Variants in RNF39 observed in about 807,000 individuals in gnomAD.
RNF39 encodes LTP (long-term potentiation) induced RING finger protein.
Under a neutral mutation model 29.2 loss-of-function variants are expected in RNF39, and 25 were observed. That is an observed-to-expected ratio of 0.86 (90% confidence interval 0.62 to 1.20). The LOEUF is 1.20. RNF39 is among the 50% of genes most tolerant of loss of function. The pLI, the probability that RNF39 is intolerant of heterozygous loss-of-function variation, is 0.00. For synonymous variants in RNF39, 219 were observed against 229.0 expected (o/e 0.96, Z 0.40); for missense variants, 519 against 515.0 (o/e 1.01, Z -0.08).
Position 30,074,990 on chromosome 6 carries a change from A to G in RNF39, c.363+233T>C, listed in dbSNP as rs371251732. ...CCAGCCCCTCTCACAAGGCTCAGGC[A>G]TCGGTCCAGCCTCCTCCCCTGTGGA... is the stretch of plus-strand genomic sequence containing the variant. On this transcript the variant is annotated intron_variant, in intron 1 of 3. Transcript: ENST00000244360. The surrounding 1 kb of genome is among the most constrained non-coding windows in gnomAD (Gnocchi z 4.1). Among the ~76,000 whole-genome samples, 1 of 151,936 alleles carries G rather than the reference A, an allele frequency of 6.6e-6. No individual in the cohort carries two copies. The highest frequency in any genetic ancestry group is 2.4e-5 in the African/African-American group (1 of 41,374).
At position 30,075,262 on chromosome 6, in the gene RNF39, C is replaced by G. The variant is rs778250346; in HGVS notation, c.324G>C (p.Gly108=). 6.3e-7 allele frequency: 1 copy of G among 1,598,354 alleles called. No homozygotes were observed. The highest frequency in any genetic ancestry group is 1.1e-5 in the South Asian group (1 of 89,346). ...CCAGGCAGCCCATGGTGGGGATGCG[C>G]CCCCCTCGGCGTCTCCCCGCACGGG... ...PGARAGRRRG[G]RIPTMGCLDL... is the part of the protein sequence containing the mutation. Residue 108 remains glycine (G), a synonymous_variant, in exon 1 of 4, where the codon GGG becomes GGC. Transcript: ENST00000244360.
Position 30,074,372 on chromosome 6 carries a change from G to C in RNF39, c.363+851C>G, listed in dbSNP as rs1344449962. Among the ~76,000 whole-genome samples the C allele has an allele frequency of 6.6e-6, 1 of 152,144 alleles. No homozygotes were observed. Among genetic ancestry groups the C allele is most frequent in the Non-Finnish European group, 1.5e-5 (1 of 68,008 alleles). Reference sequence around the variant, plus strand: ...CAGGAGTCCCAGACGCCCAGGGGTCGGTCGGGCAAGGGAATGGGCTGGTTA... The same window carrying C: ...CAGGAGTCCCAGACGCCCAGGGGTCCGTCGGGCAAGGGAATGGGCTGGTTA... On this transcript the variant is annotated intron_variant, in intron 1 of 3. Coordinates refer to ENST00000244360, the MANE Select transcript of RNF39 (RefSeq NM_025236.4). This position sits in a 1 kb window ranked among gnomAD's most constrained non-coding sequence, Gnocchi z 4.1.
Position 30,070,891 on chromosome 6 carries a change from T to G in RNF39, c.*220A>C. 1.4e-6 allele frequency: 1 copy of G among 701,782 alleles called. No homozygotes were observed. The allele number at this position is 701,782 out of a possible 1,614,324, so 43.5% of individuals were successfully genotyped here. A position where few individuals can be genotyped will look rare whatever the true frequency, so the allele number is the denominator to read the frequency against. ...GTAGTAGCTGTAGGGGAGAGAAGAT[T>G]CTGAGAGCCAGAAGGCAGGAATGGA... On this transcript the variant is annotated 3_prime_UTR_variant, in exon 4 of 4. Coordinates refer to ENST00000244360, the MANE Select transcript of RNF39 (RefSeq NM_025236.4).
rs753699803 is a variant in RNF39 at position 30,075,348 on chromosome 6, G to T, written c.238C>A (p.Arg80=). 14 of 1,591,332 alleles carry T rather than the reference G, an allele frequency of 8.8e-6. No homozygotes were observed. The highest frequency in any genetic ancestry group is 1.1e-5 in the Non-Finnish European group (13 of 1,171,396). Residue 80 remains arginine, a synonymous_variant, in exon 1 of 4, where the codon CGG becomes AGG. Transcript: ENST00000244360. ...CPRRSLRSNV[R]LAVEVRISRE... is the part of the protein sequence containing the mutation. ...CTGATTCGCACCTCCACCGCCAGCC[G>T]CACATTAGACCTCAGGCTGCGGCGG... is the stretch of plus-strand genomic sequence containing the variant.
chr6:30,071,133 C>A lies in RNF39; in HGVS notation c.1037G>T (p.Arg346Leu). Residue 346 changes from arginine to leucine, a missense_variant, in exon 4 of 4, where the codon CGC (arginine) becomes CTC (leucine). Transcript: ENST00000244360. The surrounding 1 kb of genome is among the most constrained non-coding windows in gnomAD (Gnocchi z 5.0). ...FCTCDPRAPL[R>L]IVPAES ...GACTCAGCTTTCCGCTGGTACAATGCGGAGCGGAGCACGAGGGTCGCAGGT... is the reference window on the plus strand; with the variant it reads ...GACTCAGCTTTCCGCTGGTACAATGAGGAGCGGAGCACGAGGGTCGCAGGT... 6.4e-7 allele frequency: 1 copy of A among 1,552,158 alleles called. No homozygotes were observed. The highest frequency in any genetic ancestry group is 8.7e-7 in the Non-Finnish European group (1 of 1,148,946).
Position 30,071,273 on chromosome 6 carries a change from C to G in RNF39, c.897G>C (p.Val299=). The G allele has an allele frequency of 6.6e-7, 1 of 1,506,660 alleles. No homozygotes were observed. The highest frequency in any genetic ancestry group is 8.8e-7 in the Non-Finnish European group (1 of 1,130,332). The allele number at this position is 1,506,660 out of a possible 1,614,324, so 93.3% of individuals were successfully genotyped here. A position where few individuals can be genotyped will look rare whatever the true frequency, so the allele number is the denominator to read the frequency against. Residue 299 remains valine, a synonymous_variant, in exon 4 of 4, where the codon GTG becomes GTC. Transcript: ENST00000244360. This position sits in a 1 kb window ranked among gnomAD's most constrained non-coding sequence, Gnocchi z 5.0. ...CGCGGCCCCGCTCCCAGTCCAGGTCCACGCGAATGCGCCGCGGCGGGGGCT... is the reference window on the plus strand; with the variant it reads ...CGCGGCCCCGCTCCCAGTCCAGGTCGACGCGAATGCGCCGCGGCGGGGGCT... ...GVEPPPRRIR[V]DLDWERGRVA... is the part of the protein sequence containing the mutation.
Position 30,070,589 on chromosome 6 carries a change from AG to A in RNF39, c.*521del, listed in dbSNP as rs111785008. 15,573 of 319,314 alleles carry A rather than the reference AG, an allele frequency of 0.049. 511 individuals carry two copies. The highest frequency in any genetic ancestry group is 0.064 in the Admixed American group (1,581 of 24,788). 19.8% of individuals were successfully genotyped at this position (319,314 alleles called of 1,614,324 possible). ...TCCCCACCCCCAGATCCTGCAAAAG[AG>A]GTACAAAGCTTCCCAGAGGGCCACA... On this transcript the variant is annotated 3_prime_UTR_variant, in exon 4 of 4. Transcript: ENST00000244360.
chr6:30,074,152 C>G lies in RNF39; in HGVS notation c.364-674G>C, dbSNP rs924132048. On this transcript the variant is annotated intron_variant, in intron 1 of 3. Transcript: ENST00000244360. The surrounding 1 kb of genome is among the most constrained non-coding windows in gnomAD (Gnocchi z 4.1). ...AGGAGAGGGCACTGGATGCTCCCCT[C>G]CAAACACTGGGATACCGACCCCTCC... Among the ~76,000 whole-genome samples the G allele has an allele frequency of 6.6e-6, 1 of 152,198 alleles. No individual in the cohort carries two copies. Among genetic ancestry groups the G allele is most frequent in the African/African-American group, 2.4e-5 (1 of 41,436 alleles).
At position 30,071,139 on chromosome 6, in the gene RNF39, G is replaced by A. The variant is rs556846834; in HGVS notation, c.1031C>T (p.Pro344Leu). The change falls in exon 4 of 4, where the codon CCG (proline) becomes CTG (leucine). Residue 344 changes from proline (P) to leucine (L), a missense_variant. Coordinates refer to ENST00000244360, the MANE Select transcript of RNF39 (RefSeq NM_025236.4). The surrounding 1 kb of genome is among the most constrained non-coding windows in gnomAD (Gnocchi z 5.0). ...PLFCTCDPRA[P>L]LRIVPAES ...GCTTTCCGCTGGTACAATGCGGAGC[G>A]GAGCACGAGGGTCGCAGGTGCAGAA... 11 of 1,545,938 alleles carry A rather than the reference G, an allele frequency of 7.1e-6. No individual in the cohort carries two copies. In the East Asian group the frequency reaches 1.2e-4, roughly 16 times the overall value.
intron 1 of RNF39, 87 bp downstream of exon 1, chr6:30,075,136 G>A: frequency 7.4e-7 from 1 of 1,359,972 alleles, no homozygotes; most frequent in African/African-American, 1.5e-5. Flanking sequence ...ACTTCCACAG[G>A]GCCTCCGGCT....
chr6:30,071,449 TCTC>T lies in RNF39; in HGVS notation c.718_720del (p.Glu240del). On this transcript the variant is annotated inframe_deletion, in exon 4 of 4. Transcript: ENST00000244360. The surrounding 1 kb of genome is among the most constrained non-coding windows in gnomAD (Gnocchi z 5.0). Reference sequence around the variant, plus strand: ...CCGGCCGCGCCCACTGCATAGTGGCTCTCCTCGTCGTCCGCATCCTCCCCAGAA... The same window carrying T: ...CCGGCCGCGCCCACTGCATAGTGGCTCTCGTCGTCCGCATCCTCCCCAGAA... 1 of 1,554,076 alleles carries T rather than the reference TCTC, an allele frequency of 6.4e-7. No individual in the cohort carries two copies. The highest frequency in any genetic ancestry group is 8.6e-7 in the Non-Finnish European group (1 of 1,157,850).
At position 30,072,345 on chromosome 6, in the gene RNF39, G is replaced by C. The variant is rs187227908; in HGVS notation, c.479-654C>G. 8.0e-4 allele frequency among the ~76,000 whole-genome samples: 121 copies of C among 152,168 alleles called. No homozygotes were observed. The highest frequency in any genetic ancestry group is 1.2e-4 in the Non-Finnish European group (8 of 67,980). On this transcript the variant is annotated intron_variant, in intron 3 of 3. Transcript: ENST00000244360. This position sits in a 1 kb window ranked among gnomAD's most constrained non-coding sequence, Gnocchi z 4.5. ...GGGGTGCTTTGAAGAAAAATTTCTG[G>C]ATTAGGGGTGTCAGAAGCAATCTGG...
Position 30,075,694 on chromosome 6 carries a change from G to A in RNF39, c.-109C>T. ...TTGCTGTGTAGATGCCCTTCTCTCC[G>A]ACTCCCGCATTAACTTTTGCCGCTT... On this transcript the variant is annotated 5_prime_UTR_variant, in exon 1 of 4. Transcript: ENST00000244360. The A allele has an allele frequency of 6.2e-7, 1 of 1,613,516 alleles. No individual in the cohort carries two copies. Among genetic ancestry groups the A allele is most frequent in the Non-Finnish European group, 8.5e-7 (1 of 1,179,864 alleles).
chr6:30,073,259 G>T lies in RNF39; in HGVS notation c.387-11C>A. ...GTTGGGACTTCAAATCTACACAGATGAGGGGAAGGGTCAGGAAATCAGCCC... is the reference window on the plus strand; with the variant it reads ...GTTGGGACTTCAAATCTACACAGATTAGGGGAAGGGTCAGGAAATCAGCCC... On this transcript the variant is annotated splice_polypyrimidine_tract_variant and intron_variant, in intron 2 of 3. Transcript: ENST00000244360. 6.3e-7 allele frequency: 1 copy of T among 1,585,608 alleles called. No homozygotes were observed. The highest frequency in any genetic ancestry group is 8.7e-7 in the Non-Finnish European group (1 of 1,154,528).
rs2127324580 is a variant in RNF39 at position 30,074,369 on chromosome 6, G to A, written c.363+854C>T. Among the ~76,000 whole-genome samples the A allele has an allele frequency of 6.6e-6, 1 of 152,292 alleles. No homozygotes were observed. The highest frequency in any genetic ancestry group is 1.9e-4 in the East Asian group (1 of 5,176). On this transcript the variant is annotated intron_variant, in intron 1 of 3. Transcript: ENST00000244360. The surrounding 1 kb of genome is among the most constrained non-coding windows in gnomAD (Gnocchi z 4.1). ...AGTCAGGAGTCCCAGACGCCCAGGGGTCGGTCGGGCAAGGGAATGGGCTGG... is the reference window on the plus strand; with the variant it reads ...AGTCAGGAGTCCCAGACGCCCAGGGATCGGTCGGGCAAGGGAATGGGCTGG...
Position 30,072,885 on chromosome 6 carries a change from CAG to C in RNF39, c.478+270_478+271del, listed in dbSNP as rs1240070329. 6.6e-6 allele frequency among the ~76,000 whole-genome samples: 1 copy of C among 152,168 alleles called. No homozygotes were observed. The highest frequency in any genetic ancestry group is 1.5e-5 in the Non-Finnish European group (1 of 68,034). ...TCACCCAAAGAACATGTGAGGCTAC[CAG>C]AGGCTAGGAGACAGGCATGGAACAG... On this transcript the variant is annotated intron_variant, in intron 3 of 3. Coordinates refer to ENST00000244360, the MANE Select transcript of RNF39 (RefSeq NM_025236.4). This position sits in a 1 kb window ranked among gnomAD's most constrained non-coding sequence, Gnocchi z 4.5.
In RNF39 at chr6:30,075,731, C is replaced by A; in HGVS notation, c.-146G>T. The A allele has an allele frequency of 6.2e-7, 1 of 1,614,254 alleles. No individual in the cohort carries two copies. Among genetic ancestry groups the A allele is most frequent in the South Asian group, 1.1e-5 (1 of 91,090 alleles). On this transcript the variant is annotated 5_prime_UTR_variant, in exon 1 of 4. Transcript: ENST00000244360. ...AACTTTTGCCGCTTTCCGCCCCTCT[C>A]CTGGGATTGCCTCTCTCTTCAACCA...
rs1582400979 is a variant in RNF39, at chr6:30,075,145, C to T, written c.363+78G>A. 8.4e-6 allele frequency: 12 copies of T among 1,424,318 alleles called. 1 individual carries two copies. In the East Asian group the frequency reaches 1.5e-4, roughly 18 times the overall value. The allele number at this position is 1,424,318 out of a possible 1,614,324, so 88.2% of individuals were successfully genotyped here. A position where few individuals can be genotyped will look rare whatever the true frequency, so the allele number is the denominator to read the frequency against. Reference sequence around the variant, plus strand: ...GCCTAAACTTCCACAGGGCCTCCGGCTCCAGACGTGCCATTCCCGGCTTCC... The same window carrying T: ...GCCTAAACTTCCACAGGGCCTCCGGTTCCAGACGTGCCATTCCCGGCTTCC... On this transcript the variant is annotated intron_variant, in intron 1 of 3. Transcript: ENST00000244360.
At position 30,075,386 on chromosome 6, in the gene RNF39, C is replaced by A; in HGVS notation, c.200G>T (p.Gly67Val). 6.4e-7 allele frequency: 1 copy of A among 1,568,376 alleles called. No homozygotes were observed. Among genetic ancestry groups the A allele is most frequent in the Admixed American group, 1.8e-5 (1 of 55,108 alleles). Reference protein sequence around the residue: ...EASPTACPCCGLPCPRRSLRS... With the variant: ...EASPTACPCCVLPCPRRSLRS... ...CAGGCTGCGGCGGGGACACGGCAGGCCGCAGCAGGGACAGGCGGTGGGGGA... is the reference window on the plus strand; with the variant it reads ...CAGGCTGCGGCGGGGACACGGCAGGACGCAGCAGGGACAGGCGGTGGGGGA... The change falls in exon 1 of 4, where the codon GGC becomes GTC. Residue 67 changes from glycine (G) to valine (V), a missense_variant. Physicochemically the swap from Gly to Val is moderately radical, Grantham distance 109. Coordinates refer to ENST00000244360, the MANE Select transcript of RNF39 (RefSeq NM_025236.4).
Sources: gnomAD v4.1 joint callset for allele counts (sites outside exome capture counted in the v4.1 genomes callset) on GRCh38, gnomAD v4.1.1 for gene constraint, Gnocchi (gnomAD v3.1) non-coding constraint, MANE v1.5 for transcripts, NCBI Gene and HGNC (gene_info 2026-07-23, HGNC 2026-07-21) for gene names.